CDH12: variants seen among roughly 807,000 people sequenced by gnomAD.
CDH12 encodes the protein cadherin 12.
A neutral mutation model predicts 74.1 loss-of-function variants in CDH12; 41 were observed. The ratio of observed to expected loss-of-function variants is 0.55; its 90% CI spans 0.43 to 0.72. The LOEUF (loss-of-function observed/expected upper bound fraction) is 0.72, where lower values mean the gene tolerates loss of function less well. Among genes scored for constraint, CDH12 ranks in the 30% least tolerant of loss-of-function variants. The pLI, the probability that CDH12 is intolerant of heterozygous loss-of-function variation, is 0.00. For missense variants in CDH12, 945 were observed against 977.2 expected (o/e 0.97, Z 0.44); for synonymous variants, 399 against 355.0 (o/e 1.12, Z -1.39).
At chr5:22,696,572 A>G (rs1191214426) in intron 1 of CDH12, among the ~76,000 whole-genome samples, 1 of 152,070 alleles carries the variant, frequency 6.6e-6, no homozygotes, top group Non-Finnish European at 1.5e-5. Context: ...TATTTTTTCA[A>G]TATTTTAATT....
intron 2 of CDH12, among the ~76,000 whole-genome samples, chr5:22,410,609 C>T (rs1743133172): frequency 6.6e-6 from 1 of 152,072 alleles, no homozygotes; most frequent in African/African-American, 2.4e-5. Flanking sequence ...GTTCTGAAGG[C>T]TCTCATTTAT....
chr5:22,400,300 T>TA (rs1445922069), intron 3 of CDH12, among the ~76,000 whole-genome samples: 1 of 152,126 alleles, frequency 6.6e-6, no homozygotes, highest in Non-Finnish European at 1.5e-5. Context: ...AACAAGGACT[T>TA]ACATCTTGAT....
intron 5 of CDH12, among the ~76,000 whole-genome samples, chr5:22,064,208 C>G (rs189710642): frequency 1.3e-5 from 2 of 152,218 alleles, no homozygotes; most frequent in African/African-American, 2.4e-5. Flanking sequence ...GGAAGATTGA[C>G]TTTTTGTACC....
At chr5:22,312,411 C>T (rs567886543) in intron 3 of CDH12, among the ~76,000 whole-genome samples, 1 of 152,078 alleles carries the variant, frequency 6.6e-6, no homozygotes, top group African/African-American at 2.4e-5. Context: ...AGTAAATATA[C>T]CCTTTTGGCT....
chr5:22,089,138 C>G (rs1743250592), intron 4 of CDH12, among the ~76,000 whole-genome samples: 1 of 152,126 alleles, frequency 6.6e-6, no homozygotes, highest in African/African-American at 2.4e-5. Flanking sequence ...CAGAAAAATT[C>G]TGAGCAGGCA....
intron 1 of CDH12, among the ~76,000 whole-genome samples, chr5:22,526,140 AT>A: frequency 6.6e-6 from 1 of 152,270 alleles, no homozygotes; most frequent in South Asian, 2.1e-4. Context: ...GTCTACTGAC[AT>A]TCGGTGTTTT....
At chr5:21,880,603 CCTTCCTTCCTT>C (rs1561268215) in intron 6 of CDH12, among the ~76,000 whole-genome samples, 6 of 62,314 alleles carry the variant, frequency 9.6e-5, no homozygotes, top group African/African-American at 2.8e-4. Context: ...TTCCTTCCTT[CCTTCCTTCCTT>C]CCTTCTTTCT....
chr5:22,494,555 T>C, intron 2 of CDH12, among the ~76,000 whole-genome samples: 1 of 152,364 alleles, frequency 6.6e-6, no homozygotes, highest in African/African-American at 2.4e-5. Context: ...TATTTTGAAG[T>C]TTTGTGATGT....
At chr5:22,690,087 T>C (rs959515156) in intron 1 of CDH12, among the ~76,000 whole-genome samples, 1 of 152,104 alleles carries the variant, frequency 6.6e-6, no homozygotes. Flanking sequence ...TGCATGTGAC[T>C]TGAATTTTTT....
intron 3 of CDH12, among the ~76,000 whole-genome samples, chr5:22,343,034 T>G (rs1309494268): frequency 6.6e-6 from 1 of 151,826 alleles, no homozygotes; most frequent in Non-Finnish European, 1.5e-5. Context: ...TTTGTATTTT[T>G]AGTAGAGACG....
intron 4 of CDH12, among the ~76,000 whole-genome samples, chr5:22,206,939 C>T (rs184356943): frequency 8.6e-5 from 13 of 150,626 alleles, no homozygotes; most frequent in African/African-American, 2.9e-4. Context: ...CACGGTCCGG[C>T]GTATTGGCTC....
chr5:22,460,620 CAA>C (rs1745459571), intron 2 of CDH12, among the ~76,000 whole-genome samples: 1 of 150,126 alleles, frequency 6.7e-6, no homozygotes, highest in Non-Finnish European at 1.5e-5. Flanking sequence ...CCAGTAATAT[CAA>C]GAGTCTGGGA....
At chr5:22,411,671 T>C (rs534407831) in intron 2 of CDH12, among the ~76,000 whole-genome samples, 43 of 152,132 alleles carry the variant, frequency 2.8e-4, no homozygotes, top group African/African-American at 1.0e-3. Flanking sequence ...TGTATTTATT[T>C]TTTCACTCAC....
intron 4 of CDH12, among the ~76,000 whole-genome samples, chr5:22,153,858 G>GTATATATATATATATATATATA (rs1208832724): frequency 9.7e-6 from 1 of 103,262 alleles, no homozygotes; most frequent in Non-Finnish European, 1.9e-5. Flanking sequence ...ATGTGTGTGT[G>GTATATATATATATATATATATA]TATATATATA....
chr5:22,331,070 G>A (rs1273163795), intron 3 of CDH12, among the ~76,000 whole-genome samples: 3 of 152,204 alleles, frequency 2.0e-5, no homozygotes, highest in African/African-American at 7.2e-5. Context: ...TCCTCTGCCT[G>A]TGGAAAGGGG....
chr5:22,704,891 T>C (rs368514147), intron 1 of CDH12, among the ~76,000 whole-genome samples: 1 of 151,950 alleles, frequency 6.6e-6, no homozygotes, highest in East Asian at 1.9e-4. Context: ...ATTAAGAAAT[T>C]CCACCTTCCT....
chr5:22,090,359 A>G (rs1743336025), intron 4 of CDH12, among the ~76,000 whole-genome samples: 2 of 151,860 alleles, frequency 1.3e-5, no homozygotes, highest in Admixed American at 1.3e-4. Context: ...GATTAGGACT[A>G]TAACACATAA....
At chr5:22,682,462 C>T (rs961088582) in intron 1 of CDH12, among the ~76,000 whole-genome samples, 4 of 151,978 alleles carry the variant, frequency 2.6e-5, no homozygotes, top group African/African-American at 7.2e-5. Context: ...ACAACATACA[C>T]GGTAGTGGTC....
intron 1 of CDH12, among the ~76,000 whole-genome samples, chr5:22,601,874 G>A (rs1226177448): frequency 6.6e-6 from 1 of 151,990 alleles, no homozygotes; most frequent in Non-Finnish European, 1.5e-5. Context: ...ATACTACACT[G>A]AAGAACAGTG....
Sources: gnomAD v4.1 joint callset for allele counts (sites outside exome capture counted in the v4.1 genomes callset) on GRCh38, gnomAD v4.1.1 for gene constraint, MANE v1.5 for transcripts, NCBI Gene and HGNC (gene_info 2026-07-23, HGNC 2026-07-21) for gene names.